Variants in WAPL observed in about 807,000 individuals in gnomAD.
The protein encoded by WAPL is wings apart-like protein homolog.
Under a neutral mutation model 121.0 loss-of-function variants are expected in WAPL, and 5 were observed. That is an observed-to-expected ratio of 0.04 (90% CI 0.02 to 0.09). The LOEUF is 0.09. Among genes scored for constraint, WAPL ranks in the 10% least tolerant of loss-of-function variants. The pLI, the probability that WAPL is intolerant of heterozygous loss-of-function variation, is 1.00. For synonymous variants in WAPL, 480 were observed against 481.5 expected, an observed-to-expected ratio of 1.00 and a Z score of 0.04; for missense variants, 999 against 1,410.8, an observed-to-expected ratio of 0.71 and a Z score of 4.68.
chr10:86,475,669 C>T lies in WAPL; in HGVS notation c.1645-1696G>A, dbSNP rs115503744. On this transcript the variant is annotated intron_variant, in intron 4 of 18. Coordinates refer to ENST00000298767, the MANE Select transcript of WAPL (RefSeq NM_015045.5). ...CTTGATCTGGCTTCCTGAGACACAACACATAAAGTGGACTGAACATAAATT... is the reference window on the plus strand; with the variant it reads ...CTTGATCTGGCTTCCTGAGACACAATACATAAAGTGGACTGAACATAAATT... 5.4e-3 allele frequency among the ~76,000 whole-genome samples: 821 copies of T among 152,350 alleles called. 7 individuals carry two copies. The highest frequency in any genetic ancestry group is 0.019 in the African/African-American group (783 of 41,578).
At chr10:86,454,514 A>G (rs1191198437) in intron 12 of WAPL, among the ~76,000 whole-genome samples, 1 of 152,150 alleles carries the variant, frequency 6.6e-6, no homozygotes, top group Non-Finnish European at 1.5e-5. Context: ...AGTGCCTGGG[A>G]CTGCAGGCGG....
chr10:86,442,037 C>CTT (rs146316949), intron 17 of WAPL, among the ~76,000 whole-genome samples: 137 of 151,260 alleles, frequency 9.1e-4, no homozygotes, highest in Admixed American at 5.9e-3. Flanking sequence ...TTCTTTTCTT[C>CTT]TTTTTTTTTG....
At chr10:86,493,973 A>C (rs566843608) in intron 4 of WAPL, among the ~76,000 whole-genome samples, 128 of 152,354 alleles carry the variant, frequency 8.4e-4, no homozygotes, top group African/African-American at 2.8e-3. Context: ...ACTGCACTCC[A>C]GCCTGGGCAA....
chr10:86,461,524 T>A (rs1021696853), intron 9 of WAPL, among the ~76,000 whole-genome samples: 12 of 152,216 alleles, frequency 7.9e-5, no homozygotes, highest in Non-Finnish European at 1.6e-4. Flanking sequence ...ATTATACATA[T>A]ATATAGGTAC....
At position 86,452,086 on chromosome 10, in the gene WAPL, G is replaced by T. The variant is rs1369044521; in HGVS notation, c.2995C>A (p.Arg999=). ...INLVEYSARN[R]HCLVNMETSC... is the part of the protein sequence containing the mutation. ...GTTTCCATGTTGACAAGACAGTGCC[G>T]ATTCCGAGCACTATACTCCACTAGA... The change falls in exon 15 of 19, where the codon CGG becomes AGG. Residue 999 remains arginine, a synonymous_variant. Coordinates refer to ENST00000298767, the MANE Select transcript of WAPL (RefSeq NM_015045.5). 6.2e-7 allele frequency: 1 copy of T among 1,614,012 alleles called. No homozygotes were observed. The highest frequency in any genetic ancestry group is 1.1e-5 in the South Asian group (1 of 91,072).
chr10:86,520,678 G>T (rs1012878241), intron 1 of WAPL, among the ~76,000 whole-genome samples: 2 of 142,086 alleles, frequency 1.4e-5, no homozygotes, highest in Non-Finnish European at 3.0e-5. Context: ...AAAAAGGAAA[G>T]AATGATTGAC....
rs1371436015 is a variant in WAPL at position 86,521,616 on chromosome 10, C to T, written c.-274G>A. On this transcript the variant is annotated 5_prime_UTR_variant, in exon 1 of 19. Coordinates refer to ENST00000298767, the MANE Select transcript of WAPL (RefSeq NM_015045.5). Reference sequence around the variant, plus strand: ...GCCTAGCTCTCGCTGGCCGCCACTGCTGGAGCTGGTAACAGAGCCTGCTGT... The same window carrying T: ...GCCTAGCTCTCGCTGGCCGCCACTGTTGGAGCTGGTAACAGAGCCTGCTGT... The T allele has an allele frequency of 2.2e-6, 1 of 457,474 alleles. No homozygotes were observed. The highest frequency in any genetic ancestry group is 4.5e-6 in the Non-Finnish European group (1 of 222,410). 28.3% of individuals were successfully genotyped at this position (457,474 alleles called of 1,614,324 possible).
chr10:86,512,823 A>G (rs943173435), intron 2 of WAPL, among the ~76,000 whole-genome samples: 1 of 151,904 alleles, frequency 6.6e-6, no homozygotes, highest in Non-Finnish European at 1.5e-5. Context: ...AGATACAACT[A>G]TTGGAGGTGG....
chr10:86,448,101 T>C (rs1053708953), intron 15 of WAPL, among the ~76,000 whole-genome samples: 11 of 152,150 alleles, frequency 7.2e-5, no homozygotes, highest in African/African-American at 2.7e-4. Flanking sequence ...TGCTATGGTA[T>C]TTATTTCTGT....
rs369730866 is a variant in WAPL, at chr10:86,518,083, T to A, written c.-14A>T. On this transcript the variant is annotated 5_prime_UTR_variant, in exon 2 of 19. The change creates a premature stop within an existing upstream ORF in the 5' untranslated region. Transcript: ENST00000298767. ...TCTGGATGTCATTTTGACACCAGTT[T>A]CATATTCTCTGTGAAAAAAAATTTA... 80 of 1,601,530 alleles carry A rather than the reference T, an allele frequency of 5.0e-5. No homozygotes were observed. In the Middle Eastern group the frequency reaches 5.0e-4, roughly 10 times the overall value.
chr10:86,478,011 T>C (rs1004637169), intron 4 of WAPL, among the ~76,000 whole-genome samples: 1 of 143,310 alleles, frequency 7.0e-6, no homozygotes, highest in Non-Finnish European at 1.5e-5. Context: ...ACTGAGATCG[T>C]GCCATTGCAC....
At chr10:86,440,578 C>T (rs1849442089) in intron 17 of WAPL, among the ~76,000 whole-genome samples, 1 of 152,230 alleles carries the variant, frequency 6.6e-6, no homozygotes, top group South Asian at 2.1e-4. Context: ...GGATTACAGG[C>T]GTGAGCCACT....
intron 4 of WAPL, among the ~76,000 whole-genome samples, chr10:86,477,246 T>C (rs75072333): frequency 2.8e-3 from 434 of 152,282 alleles, no homozygotes; most frequent in Non-Finnish European, 5.1e-3. Context: ...CTTTACATCA[T>C]TCCAAAACAG....
chr10:86,455,788 T>C (rs1207996035), intron 12 of WAPL, among the ~76,000 whole-genome samples: 1 of 150,918 alleles, frequency 6.6e-6, no homozygotes, highest in Non-Finnish European at 1.5e-5. Flanking sequence ...CGTAAATCTA[T>C]AATTGTAAAA....
In WAPL at chr10:86,435,358, T is replaced by C. The variant is rs1185292060; in HGVS notation, c.*2185A>G. On this transcript the variant is annotated 3_prime_UTR_variant, in exon 19 of 19. Coordinates refer to ENST00000298767, the MANE Select transcript of WAPL (RefSeq NM_015045.5). ...AACTATTTTTTCCTGCCGTTGGCTTTTGCTCCAAAGATCACAGCTGAGAAA... is the reference window on the plus strand; with the variant it reads ...AACTATTTTTTCCTGCCGTTGGCTTCTGCTCCAAAGATCACAGCTGAGAAA... 6.6e-6 allele frequency: 1 copy of C among 152,656 alleles called. No individual in the cohort carries two copies. Among genetic ancestry groups the C allele is most frequent in the Admixed American group, 6.5e-5 (1 of 15,274 alleles). The allele number at this position is 152,656 out of a possible 1,614,324, so 9.5% of individuals were successfully genotyped here. A position where few individuals can be genotyped will look rare whatever the true frequency, so the allele number is the denominator to read the frequency against.
intron 2 of WAPL, among the ~76,000 whole-genome samples, chr10:86,507,362 T>C (rs1842371613): frequency 2.6e-5 from 1 of 38,794 alleles, no homozygotes; most frequent in Non-Finnish European, 4.9e-5. Flanking sequence ...CGAGACTCTG[T>C]CTCAAAAAAA....
At chr10:86,457,057 T>A (rs1252113118) in intron 12 of WAPL, among the ~76,000 whole-genome samples, 2 of 152,184 alleles carry the variant, frequency 1.3e-5, no homozygotes. Context: ...ACAAAAGAGA[T>A]ATTTTTAAAT....
Position 86,453,756 on chromosome 10 carries a change from C to A in WAPL, c.2733G>T (p.Lys911Asn). Reference protein sequence around the residue: ...AEDSICLADSKPLPHQNVTNH... With the variant: ...AEDSICLADSNPLPHQNVTNH... The stretch of plus-strand genomic sequence containing the variant: ...TAGTTACATTCTGGTGAGGCAGAGG[C>A]TTACTGTCAGCTAAGCATATGCTGT... The change falls in exon 13 of 19, where the codon AAG (lysine) becomes AAT (asparagine). Residue 911 changes from lysine to asparagine, a missense_variant. Lys to Asn is a moderately conservative substitution (Grantham distance 94). Coordinates refer to ENST00000298767, the MANE Select transcript of WAPL (RefSeq NM_015045.5). 1 of 1,614,160 alleles carries A rather than the reference C, an allele frequency of 6.2e-7. No individual in the cohort carries two copies. The highest frequency in any genetic ancestry group is 1.1e-5 in the South Asian group (1 of 91,074).
At chr10:86,502,632 C>T (rs1842267774) in intron 2 of WAPL, among the ~76,000 whole-genome samples, 1 of 152,144 alleles carries the variant, frequency 6.6e-6, no homozygotes, top group South Asian at 2.1e-4. Flanking sequence ...ATCTGTGTAA[C>T]TGTATACTAG....
Sources: gnomAD v4.1 joint callset for allele counts (sites outside exome capture counted in the v4.1 genomes callset) on GRCh38, gnomAD v4.1.1 for gene constraint, MANE v1.5 for transcripts, NCBI Gene and HGNC (gene_info 2026-07-23, HGNC 2026-07-21) for gene names.